Variants in MIER2 observed in about 807,000 individuals in gnomAD.
MIER2 encodes MIER family member 2, also known as mesoderm induction early response protein 2.
MIER2 carries 30 observed loss-of-function variants against 67.6 expected under a neutral mutation model. The observed-to-expected ratio is 0.44, with a 90% CI of 0.33 to 0.60. MIER2 has a LOEUF of 0.60. MIER2 is among the 20% of genes least tolerant of loss of function. The pLI is 0.02. For missense variants in MIER2, 702 were observed against 745.1 expected (o/e 0.94, Z 0.67); for synonymous variants, 372 against 312.6 (o/e 1.19, Z -2.00).
intron 1 of MIER2, among the ~76,000 whole-genome samples, chr19:336,934 C>G (rs567165964): frequency 2.8e-4 from 43 of 152,128 alleles, no homozygotes; most frequent in African/African-American, 1.0e-3. Flanking sequence ...CCTCTGCCAC[C>G]CAGGTTCAAG....
Position 324,277 on chromosome 19 carries a change from G to T in MIER2, c.655+1358C>A, listed in dbSNP as rs529875350. Among the ~76,000 whole-genome samples the T allele has an allele frequency of 3.5e-4, 37 of 106,230 alleles. 2 individuals are homozygous for T. Among genetic ancestry groups the T allele is most frequent in the African/African-American group, 1.2e-3 (30 of 24,192 alleles). The allele number at this position is 106,230 out of a possible 152,430, so 69.7% of individuals were successfully genotyped here. A position where few individuals can be genotyped will look rare whatever the true frequency, so the allele number is the denominator to read the frequency against. On this transcript the variant is annotated intron_variant, in intron 7 of 13. Coordinates refer to ENST00000264819, the MANE Select transcript of MIER2 (RefSeq NM_017550.3). ...CACGCAGACAACTCGAATGACACAG[G>T]TGTCATCACAATGCAATACACAAGA...
At chr19:324,135 AGAC>A (rs1188408559) in intron 7 of MIER2, among the ~76,000 whole-genome samples, 1 of 140,808 alleles carries the variant, frequency 7.1e-6, no homozygotes, top group Non-Finnish European at 1.5e-5. Flanking sequence ...ACAACCACAC[AGAC>A]GACTCGAATG....
intron 6 of MIER2, among the ~76,000 whole-genome samples, chr19:325,911 T>C (rs901113257): frequency 6.6e-6 from 1 of 152,238 alleles, no homozygotes; most frequent in Non-Finnish European, 1.5e-5. Flanking sequence ...GGCTGTGTCC[T>C]GACGCCTGGC....
At chr19:325,761 G>A in intron 6 of MIER2, 57 bp from the exon 7 acceptor site, 2 of 1,598,864 alleles carry the variant, frequency 1.3e-6, no homozygotes. Context: ...CCGGGCGGGA[G>A]GCTGGCTGCA....
At chr19:331,783 C>A (rs1336238293) in intron 3 of MIER2, among the ~76,000 whole-genome samples, 2 of 151,940 alleles carry the variant, frequency 1.3e-5, no homozygotes, top group Admixed American at 6.6e-5. Flanking sequence ...GAGTTTGAGA[C>A]CAGCCTGTCC....
chr19:308,089 C>T lies in MIER2; in HGVS notation c.1198+488G>A, dbSNP rs567143471. ...AGCAAAGGATCCTCGTTTGCACCCTCCCCGTGTGGGTCTCCACCTTCGGAC... is the reference window on the plus strand; with the variant it reads ...AGCAAAGGATCCTCGTTTGCACCCTTCCCGTGTGGGTCTCCACCTTCGGAC... On this transcript the variant is annotated intron_variant, in intron 12 of 13. Coordinates refer to ENST00000264819, the MANE Select transcript of MIER2 (RefSeq NM_017550.3). The surrounding 1 kb of genome is among the most constrained non-coding windows in gnomAD (Gnocchi z 9.1). Among the ~76,000 whole-genome samples the T allele has an allele frequency of 6.6e-6, 1 of 152,334 alleles. No individual in the cohort carries two copies. The highest frequency in any genetic ancestry group is 1.5e-5 in the Non-Finnish European group (1 of 68,026).
intron 7 of MIER2, among the ~76,000 whole-genome samples, chr19:321,309 A>T (rs1416984648): frequency 2.0e-5 from 3 of 152,224 alleles, no homozygotes; most frequent in African/African-American, 7.2e-5. Flanking sequence ...ATGGCCAGGA[A>T]GCACGTTTAT....
At chr19:314,204 C>G (rs1055457605) in intron 7 of MIER2, among the ~76,000 whole-genome samples, 16 of 152,224 alleles carry the variant, frequency 1.1e-4, no homozygotes, top group Admixed American at 1.0e-3. Flanking sequence ...GCTGAAGAGC[C>G]ACGGCCAGAA....
At chr19:331,124 T>C (rs7260345) in intron 3 of MIER2, among the ~76,000 whole-genome samples, 64,513 of 151,654 alleles carry the variant, frequency 0.43, 15,023 homozygotes, top group East Asian at 0.66. Flanking sequence ...TTTGGGAGGC[T>C]GAGATGGCAG....
chr19:308,909 A>G lies in MIER2; in HGVS notation c.1001T>C (p.Val334Ala), dbSNP rs771494260. The change falls in exon 11 of 14, where the codon GTG (valine) becomes GCG (alanine). Residue 334 changes from valine (V) to alanine (A), a missense_variant. Transcript: ENST00000264819. This position sits in a 1 kb window ranked among gnomAD's most constrained non-coding sequence, Gnocchi z 9.1. Reference protein sequence around the residue: ...IQANKVRTRSVGECVEYYYLW... With the variant: ...IQANKVRTRSAGECVEYYYLW... ...GTAGTAGTACTCGACACACTCGCCC[A>G]CTGACCGTGTGCGCACCTGCGGGGA... The G allele has an allele frequency of 3.1e-6, 5 of 1,605,222 alleles. No homozygotes were observed.
intron 7 of MIER2, among the ~76,000 whole-genome samples, chr19:319,843 C>A (rs779766911): frequency 4.6e-5 from 7 of 152,128 alleles, no homozygotes; most frequent in Non-Finnish European, 8.8e-5. Flanking sequence ...AACTCTGGTA[C>A]CAAAACCAGA....
At chr19:316,366 C>G (rs1161123205) in intron 7 of MIER2, among the ~76,000 whole-genome samples, 1 of 151,826 alleles carries the variant, frequency 6.6e-6, no homozygotes, top group Admixed American at 6.6e-5. Context: ...GATCTTGGCT[C>G]ACTGCAACCT....
In MIER2 at chr19:308,097, G is replaced by C. The variant is rs1970746584; in HGVS notation, c.1198+480C>G. Among the ~76,000 whole-genome samples, 1 of 152,022 alleles carries C rather than the reference G, an allele frequency of 6.6e-6. No individual in the cohort carries two copies. Among genetic ancestry groups the C allele is most frequent in the South Asian group, 2.1e-4 (1 of 4,816 alleles). On this transcript the variant is annotated intron_variant, in intron 12 of 13. Coordinates refer to ENST00000264819, the MANE Select transcript of MIER2 (RefSeq NM_017550.3). The surrounding 1 kb of genome is among the most constrained non-coding windows in gnomAD (Gnocchi z 9.1). ...ATCCTCGTTTGCACCCTCCCCGTGT[G>C]GGTCTCCACCTTCGGACGCCACATC...
chr19:341,239 T>G (rs1449312179), intron 1 of MIER2, among the ~76,000 whole-genome samples: 1 of 152,138 alleles, frequency 6.6e-6, no homozygotes, highest in Admixed American at 6.5e-5. Flanking sequence ...AACAAGGGGA[T>G]GGCAGGCGAC....
At chr19:337,868 C>CAAA (rs1418469284) in intron 1 of MIER2, among the ~76,000 whole-genome samples, 6 of 16,724 alleles carry the variant, frequency 3.6e-4, no homozygotes, top group East Asian at 2.8e-3. Flanking sequence ...GACTCCATCT[C>CAAA]ACAAAAAAAA....
At chr19:317,343 C>T (rs536272962) in intron 7 of MIER2, among the ~76,000 whole-genome samples, 17 of 151,904 alleles carry the variant, frequency 1.1e-4, no homozygotes, top group Middle Eastern at 3.4e-3. Flanking sequence ...CGGGCTAACA[C>T]GGTGAAACCT....
chr19:326,031 G>A (rs909656427), intron 6 of MIER2, among the ~76,000 whole-genome samples: 1 of 152,232 alleles, frequency 6.6e-6, no homozygotes, highest in Non-Finnish European at 1.5e-5. Flanking sequence ...CCCTGGGGTC[G>A]AGCAGCACGT....
intron 1 of MIER2, chr19:344,008 C>G: frequency 1.0e-6 from 1 of 985,470 alleles, no homozygotes; most frequent in Non-Finnish European, 1.2e-6. Flanking sequence ...CAAAATCCCA[C>G]AGATCCTCAA....
At chr19:313,327 G>A (rs1365541286) in intron 8 of MIER2, among the ~76,000 whole-genome samples, 165 bp downstream of exon 8, 1 of 152,092 alleles carries the variant, frequency 6.6e-6, no homozygotes, top group African/African-American at 2.4e-5. Flanking sequence ...GGTTTTAATT[G>A]GCCCCCCTTC....
Sources: gnomAD v4.1 joint callset for allele counts (sites outside exome capture counted in the v4.1 genomes callset) on GRCh38, gnomAD v4.1.1 for gene constraint, Gnocchi (gnomAD v3.1) non-coding constraint, MANE v1.5 for transcripts, NCBI Gene and HGNC (gene_info 2026-07-23, HGNC 2026-07-21) for gene names.